SNX24: variants seen among roughly 807,000 people sequenced by gnomAD.
SNX24 encodes sorting nexin 24, also known as sorting nexin-24.
In SNX24, 22 loss-of-function variants were observed where a neutral mutation model predicts 28.7. That is an observed-to-expected ratio of 0.77 (90% CI 0.55 to 1.10). SNX24 has a LOEUF of 1.10. Ranked by LOEUF, SNX24 falls within the 50% of genes least tolerant of loss-of-function variation. The probability of loss-of-function intolerance (pLI) is 0.00; values close to 1 mark genes in which losing one functional copy is unlikely to be tolerated. For missense variants in SNX24, 221 were observed against 201.1 expected (o/e 1.10, Z -0.60); for synonymous variants, 69 against 71.5 (o/e 0.96, Z 0.18).
At chr5:122,932,690 C>G (rs1030992696) in intron 1 of SNX24, among the ~76,000 whole-genome samples, 1 of 151,932 alleles carries the variant, frequency 6.6e-6, no homozygotes, top group Non-Finnish European at 1.5e-5. Flanking sequence ...ATCCCCATCT[C>G]TACTAAAAAT....
chr5:122,869,016 T>C (rs1755857346), intron 1 of SNX24, among the ~76,000 whole-genome samples: 1 of 152,276 alleles, frequency 6.6e-6, no homozygotes, highest in Non-Finnish European at 1.5e-5. Flanking sequence ...TATTATCTGA[T>C]ATTTATTTGC....
chr5:122,924,780 G>A (rs889779133), intron 1 of SNX24, among the ~76,000 whole-genome samples: 1 of 152,070 alleles, frequency 6.6e-6, no homozygotes, highest in Non-Finnish European at 1.5e-5. Context: ...GGAAACTAAG[G>A]CTCAGAGTTG....
At chr5:122,935,712 C>T (rs1412867362) in intron 1 of SNX24, among the ~76,000 whole-genome samples, 2 of 78,742 alleles carry the variant, frequency 2.5e-5, no homozygotes, top group African/African-American at 5.9e-5. Flanking sequence ...GATGTGCGAC[C>T]TTGTATGTCA....
intron 3 of SNX24, among the ~76,000 whole-genome samples, chr5:122,984,772 T>G (rs896011421): frequency 2.0e-5 from 3 of 152,216 alleles, no homozygotes; most frequent in Non-Finnish European, 4.4e-5. Flanking sequence ...TAGTGGACTG[T>G]GTAAAAAAAG....
intron 1 of SNX24, among the ~76,000 whole-genome samples, chr5:122,888,611 T>C (rs1182449785): frequency 6.6e-6 from 1 of 152,188 alleles, no homozygotes; most frequent in Non-Finnish European, 1.5e-5. Flanking sequence ...TTTTGCTCAA[T>C]ATCTGGTTTC....
chr5:122,939,153 C>T (rs1024140799), intron 2 of SNX24, among the ~76,000 whole-genome samples: 1 of 152,098 alleles, frequency 6.6e-6, no homozygotes, highest in Non-Finnish European at 1.5e-5. Flanking sequence ...TTGGTACCCT[C>T]GATTTCCATA....
At chr5:123,010,378 C>T (rs2150183268), downstream of SNX24, among the ~76,000 whole-genome samples, 1 of 151,958 alleles carries the variant, frequency 6.6e-6, no homozygotes, top group South Asian at 2.1e-4. Flanking sequence ...GCAACTTCTG[C>T]CTCCTGGGTT....
rs1311229425 is a variant in SNX24, at chr5:122,995,029, A to G, written c.250-4883A>G. 2.6e-5 allele frequency among the ~76,000 whole-genome samples: 4 copies of G among 152,270 alleles called. No individual in the cohort carries two copies. The East Asian group carries it at 7.7e-4, about 29-fold the overall frequency. On this transcript the variant is annotated intron_variant, in intron 3 of 6. Coordinates refer to ENST00000261369, the MANE Select transcript of SNX24 (RefSeq NM_014035.4). ...ATAATAACCTGATTTTTGTCTGCCT[A>G]TATTCCTAAATGACAGATTGGATGG...
At chr5:122,864,315 G>A (rs1755624118) in intron 1 of SNX24, among the ~76,000 whole-genome samples, 1 of 152,126 alleles carries the variant, frequency 6.6e-6, no homozygotes, top group Admixed American at 6.5e-5. Context: ...TAGATTTGGG[G>A]CATGAGAAAA....
At chr5:122,936,314 G>A (rs1029988680) in intron 1 of SNX24, among the ~76,000 whole-genome samples, 1 of 152,142 alleles carries the variant, frequency 6.6e-6, no homozygotes, top group Middle Eastern at 3.2e-3. Context: ...AGATGACACA[G>A]TACTGCCTGC....
At chr5:122,877,620 C>G in intron 1 of SNX24, among the ~76,000 whole-genome samples, 1 of 152,202 alleles carries the variant, frequency 6.6e-6, no homozygotes, top group South Asian at 2.1e-4. Flanking sequence ...AACCAACCCA[C>G]CCACTCCCCA....
intron 1 of SNX24, among the ~76,000 whole-genome samples, chr5:122,911,524 T>A (rs1379924520): frequency 9.3e-5 from 14 of 149,776 alleles, no homozygotes; most frequent in East Asian, 6.0e-4. Context: ...TTTTGGTGTT[T>A]TAGACATGAA....
chr5:123,001,334 T>C (rs1282372394), intron 4 of SNX24, 71 bp from the exon 5 acceptor site: 3 of 1,015,512 alleles, frequency 3.0e-6, no homozygotes, highest in Non-Finnish European at 4.5e-6. Context: ...GGGTATTTTT[T>C]CCTTTGTTGG....
intron 6 of SNX24, among the ~76,000 whole-genome samples, chr5:123,003,669 G>C (rs1228183855): frequency 2.6e-5 from 4 of 152,212 alleles, no homozygotes; most frequent in Non-Finnish European, 5.9e-5. Flanking sequence ...AGCTTATTGA[G>C]CAGTGCCTAC....
chr5:123,023,288 ATCTT>A (rs1355322876), intron 5 of SNX24: 5 of 152,348 alleles, frequency 3.3e-5, no homozygotes, highest in Middle Eastern at 3.4e-3. Flanking sequence ...GATTTATAAA[ATCTT>A]TCTAATCTGT....
intron 1 of SNX24, among the ~76,000 whole-genome samples, chr5:122,914,573 A>C (rs556457244): frequency 3.3e-5 from 5 of 150,586 alleles, no homozygotes; most frequent in Middle Eastern, 3.4e-3. Flanking sequence ...ACAATTTCAG[A>C]TCCTGTTATT....
At chr5:122,964,371 A>G (rs1316741874) in intron 3 of SNX24, among the ~76,000 whole-genome samples, 1 of 151,916 alleles carries the variant, frequency 6.6e-6, no homozygotes. Context: ...ATGGGGTGCT[A>G]CTAGCATGTA....
At chr5:122,938,082 C>T (rs935827053) in intron 2 of SNX24, among the ~76,000 whole-genome samples, 2 of 152,112 alleles carry the variant, frequency 1.3e-5, no homozygotes, top group Non-Finnish European at 2.9e-5. Context: ...ACACCTAGGA[C>T]TCCATGACCC....
intron 5 of SNX24, chr5:123,022,826 C>A (rs1434855575): frequency 6.6e-6 from 1 of 152,354 alleles, no homozygotes; most frequent in East Asian, 1.9e-4. Flanking sequence ...TTGTTGTTGT[C>A]GTTGCTGTTT....
Sources: allele counts gnomAD v4.1 joint callset (sites outside exome capture counted in the v4.1 genomes callset), GRCh38; gene constraint gnomAD v4.1.1; transcripts MANE v1.5; gene names NCBI Gene and HGNC (gene_info 2026-07-23, HGNC 2026-07-21).